Variants in CATSPER1 observed in about 807,000 individuals in gnomAD.
CATSPER1 encodes the protein cation channel sperm associated 1.
Under a neutral mutation model 72.7 loss-of-function variants are expected in CATSPER1, and 57 were observed. The ratio of observed to expected loss-of-function variants is 0.78; its 90% CI spans 0.63 to 0.98. The LOEUF (loss-of-function observed/expected upper bound fraction) is 0.98. CATSPER1 is among the 50% of genes least tolerant of loss of function. The pLI is 0.00. For missense variants in CATSPER1, 910 were observed against 1,033.9 expected (o/e 0.88, Z 1.64); for synonymous variants, 363 against 403.0 (o/e 0.90, Z 1.19).
In CATSPER1 at chr11:66,025,670, T is replaced by C. The variant is rs1216623680; in HGVS notation, c.710A>G (p.His237Arg). Residue 237 changes from histidine to arginine, a missense_variant, in exon 1 of 12, where the codon CAT becomes CGT. His to Arg is a conservative substitution (Grantham distance 29). Coordinates refer to ENST00000312106, the MANE Select transcript of CATSPER1 (RefSeq NM_053054.4). The stretch of plus-strand genomic sequence containing the variant: ...CTCTCCGTGATGAGGAGACTTTCCA[T>C]GCTGGTGGGCTTCATGATGACGGGA... ...GRSRHHEAHQHGKSPHHGETI... is the reference protein window; with the variant it reads ...GRSRHHEAHQRGKSPHHGETI... 10 of 1,613,874 alleles carry C rather than the reference T, an allele frequency of 6.2e-6. No individual in the cohort carries two copies. Among genetic ancestry groups the C allele is most frequent in the African/African-American group, 2.7e-5 (2 of 74,880 alleles).
intron 10 of CATSPER1, among the ~76,000 whole-genome samples, chr11:66,017,490 A>T (rs962485458): frequency 1.3e-5 from 2 of 149,552 alleles, no homozygotes; most frequent in African/African-American, 2.5e-5. Context: ...CTCCTTATCC[A>T]GTCACTCACC....
chr11:66,020,738 A>C lies in CATSPER1; in HGVS notation c.1927+73T>G. The C allele has an allele frequency of 1.9e-6, 3 of 1,606,760 alleles. No individual in the cohort carries two copies. Among genetic ancestry groups the C allele is most frequent in the Non-Finnish European group, 2.6e-6 (3 of 1,174,920 alleles). On this transcript the variant is annotated intron_variant, in intron 6 of 11. Transcript: ENST00000312106. This position sits in a 1 kb window ranked among gnomAD's most constrained non-coding sequence, Gnocchi z 4.5. ...AGGCATCAGAAGCCCCACTTTGCCG[A>C]TGGGGTCACTGAGCCCTGGCCGGTC... is the stretch of plus-strand genomic sequence containing the variant.
At chr11:66,018,704 C>A (rs1399308791) in intron 10 of CATSPER1, 123 bp downstream of exon 10, 14 of 1,086,512 alleles carry the variant, frequency 1.3e-5, no homozygotes, top group Non-Finnish European at 1.8e-5. Flanking sequence ...GGCTCATCCA[C>A]AAGCCTCAGC....
Position 66,020,140 on chromosome 11 carries a change from C to T in CATSPER1, c.2125G>A (p.Glu709Lys). ...GGGCCAGGGCGGGCCAGGCCCATAC[C>T]TGCAGCTCTGAGCTCCGTCAGTGAG... ...EDSLTELRAAEPKEVASEGTM... is the reference protein window; with the variant it reads ...EDSLTELRAAKPKEVASEGTM... The change falls in exon 9 of 12, where the codon GAG (glutamate) becomes AAG (lysine). Residue 709 changes from glutamate to lysine, a missense_variant and splice_region_variant. Physicochemically the swap from Glu to Lys is moderately conservative, Grantham distance 56. Coordinates refer to ENST00000312106, the MANE Select transcript of CATSPER1 (RefSeq NM_053054.4). This position sits in a 1 kb window ranked among gnomAD's most constrained non-coding sequence, Gnocchi z 4.5. The T allele has an allele frequency of 6.2e-6, 10 of 1,613,158 alleles. No individual in the cohort carries two copies. Among genetic ancestry groups the T allele is most frequent in the Non-Finnish European group, 8.5e-6 (10 of 1,180,030 alleles).
intron 10 of CATSPER1, 119 bp downstream of exon 10, chr11:66,018,708 C>G (rs1441672567): frequency 1.8e-6 from 2 of 1,122,286 alleles, no homozygotes; most frequent in Admixed American, 1.8e-5. Context: ...CATCCACAAG[C>G]CTCAGCGCTC....
chr11:66,022,841 G>A lies in CATSPER1; in HGVS notation c.1429+8C>T, dbSNP rs1856405140. 1 of 1,613,970 alleles carries A rather than the reference G, an allele frequency of 6.2e-7. No individual in the cohort carries two copies. The highest frequency in any genetic ancestry group is 1.1e-5 in the South Asian group (1 of 91,088). On this transcript the variant is annotated splice_region_variant and intron_variant, in intron 2 of 11. Coordinates refer to ENST00000312106, the MANE Select transcript of CATSPER1 (RefSeq NM_053054.4). ...TTCTCCATGGGAACAGGACTCCCTGGCTCTTACCGCCCCGGATCTCGACTT... is the reference window on the plus strand; with the variant it reads ...TTCTCCATGGGAACAGGACTCCCTGACTCTTACCGCCCCGGATCTCGACTT...
In CATSPER1 at chr11:66,016,876, G is replaced by A. The variant is rs768989261; in HGVS notation, c.*14C>T. 6.2e-7 allele frequency: 1 copy of A among 1,613,510 alleles called. No individual in the cohort carries two copies. The highest frequency in any genetic ancestry group is 1.1e-5 in the South Asian group (1 of 91,006). ...TGCCAGGGGCTGAAGTCTGTATCTGGTGTCCTCCTGGGGTCAATTCCTGAA... is the reference window on the plus strand; with the variant it reads ...TGCCAGGGGCTGAAGTCTGTATCTGATGTCCTCCTGGGGTCAATTCCTGAA... On this transcript the variant is annotated 3_prime_UTR_variant, in exon 12 of 12. Transcript: ENST00000312106.
rs1457218014 is a variant in CATSPER1, at chr11:66,025,376, A to G, written c.1004T>C (p.Ile335Thr). ...LSIPHTSRSL[I>T]HDAPGPAASR... ...AGCAGCAGGGCCGGGGGCATCGTGAATCAGGCTCCGGGATGTGTGTGGGAT... is the reference window on the plus strand; with the variant it reads ...AGCAGCAGGGCCGGGGGCATCGTGAGTCAGGCTCCGGGATGTGTGTGGGAT... Residue 335 changes from isoleucine to threonine, a missense_variant, in exon 1 of 12, where the codon ATT becomes ACT. By Grantham distance (89) the Ile-to-Thr change is moderately conservative. Transcript: ENST00000312106. 6.2e-7 allele frequency: 1 copy of G among 1,613,990 alleles called. No individual in the cohort carries two copies. Among genetic ancestry groups the G allele is most frequent in the Non-Finnish European group, 8.5e-7 (1 of 1,180,030 alleles).
chr11:66,018,207 CAAAA>C (rs539636076), intron 10 of CATSPER1, among the ~76,000 whole-genome samples: 3 of 67,742 alleles, frequency 4.4e-5, no homozygotes, highest in Non-Finnish European at 6.1e-5. Context: ...GACCCTGTCT[CAAAA>C]AAAAAAAAAA....
chr11:66,020,178 T>C lies in CATSPER1; in HGVS notation c.2087A>G (p.Lys696Arg), dbSNP rs1856325532. ...KQERAARIQE[K>R]LLEDSLTELR... ...CTCCGTCAGTGAGTCTTCCAGCAGC[T>C]TCTCTTGGATCCGGGCGGCCCTCTG... The change falls in exon 9 of 12, where the codon AAG (lysine) becomes AGG (arginine). Residue 696 changes from lysine to arginine, a missense_variant. By Grantham distance (26) the Lys-to-Arg change is conservative. Transcript: ENST00000312106. This position sits in a 1 kb window ranked among gnomAD's most constrained non-coding sequence, Gnocchi z 4.5. 6.2e-7 allele frequency: 1 copy of C among 1,613,488 alleles called. No individual in the cohort carries two copies. The highest frequency in any genetic ancestry group is 1.3e-5 in the African/African-American group (1 of 74,914).
Position 66,025,626 on chromosome 11 carries a change from A to G in CATSPER1, c.754T>C (p.Ser252Pro). The change falls in exon 1 of 12, where the codon TCT (serine) becomes CCT (proline). Residue 252 changes from serine (S) to proline (P), a missense_variant. Transcript: ENST00000312106. ...HHGETISPHS[S>P]VGSYQRGISD... The stretch of plus-strand genomic sequence containing the variant: ...ATCCCACGCTGGTAGGACCCCACAG[A>G]GGAATGAGGGGAAATGGTCTCTCCG... The G allele has an allele frequency of 3.7e-6, 6 of 1,612,866 alleles. No individual in the cohort carries two copies. The highest frequency in any genetic ancestry group is 5.1e-6 in the Non-Finnish European group (6 of 1,179,590).
chr11:66,023,632 GC>G (rs1471469746), intron 1 of CATSPER1, among the ~76,000 whole-genome samples: 2 of 151,320 alleles, frequency 1.3e-5, no homozygotes, highest in Non-Finnish European at 2.9e-5. Context: ...ATCACTGGAG[GC>G]CAGGAGTTTG....
Position 66,021,513 on chromosome 11 carries a change from C to T in CATSPER1, c.1674G>A (p.Arg558=), listed in dbSNP as rs375690376. The change falls in exon 4 of 12, where the codon CGG becomes CGA. Residue 558 remains arginine (R), a synonymous_variant. Transcript: ENST00000312106. ...CCACTGACCTGAGCCTCCGCAGGAC[C>T]CGGATTGCCCTCAGGGCCCGCAGGC... ...FKSLRALRAI[R]VLRRLSFLTS... 1 of 1,613,642 alleles carries T rather than the reference C, an allele frequency of 6.2e-7. No individual in the cohort carries two copies. Among genetic ancestry groups the T allele is most frequent in the South Asian group, 1.1e-5 (1 of 91,074 alleles).
chr11:66,016,797 A>C lies in CATSPER1; in HGVS notation c.*93T>G. Reference sequence around the variant, plus strand: ...GGGGCCCCTGCTCTGCAGGGCCCGGACAATCATTCCAGCAGATCTGGGGAC... The same window carrying C: ...GGGGCCCCTGCTCTGCAGGGCCCGGCCAATCATTCCAGCAGATCTGGGGAC... On this transcript the variant is annotated 3_prime_UTR_variant, in exon 12 of 12. Transcript: ENST00000312106. 6.9e-7 allele frequency: 1 copy of C among 1,447,686 alleles called. No homozygotes were observed. The highest frequency in any genetic ancestry group is 1.3e-5 in the South Asian group (1 of 77,030). The allele number at this position is 1,447,686 out of a possible 1,614,324, so 89.7% of individuals were successfully genotyped here. A position where few individuals can be genotyped will look rare whatever the true frequency, so the allele number is the denominator to read the frequency against.
chr11:66,023,225 G>C (rs1182329274), intron 1 of CATSPER1, among the ~76,000 whole-genome samples, 164 bp from the exon 2 acceptor site: 1 of 152,242 alleles, frequency 6.6e-6, no homozygotes, highest in African/African-American at 2.4e-5. Context: ...AAGTAGCTGG[G>C]ACTGCAGGTG....
Position 66,023,068 on chromosome 11 carries a change from G to A in CATSPER1, c.1217-7C>T, listed in dbSNP as rs771687848. 3.1e-6 allele frequency: 5 copies of A among 1,613,400 alleles called. No individual in the cohort carries two copies. The highest frequency in any genetic ancestry group is 4.2e-6 in the Non-Finnish European group (5 of 1,179,410). On this transcript the variant is annotated splice_region_variant and splice_polypyrimidine_tract_variant and intron_variant, in intron 1 of 11. Transcript: ENST00000312106. ...GTCCGCTGGAGCCGGCCGGCTGAAA[G>A]GAACAGGGCCAGAAAGTCAAGTGTG...
rs1856491656 is a variant in CATSPER1 at position 66,025,867 on chromosome 11, C to T, written c.513G>A (p.Glu171=). 6.2e-7 allele frequency: 1 copy of T among 1,613,190 alleles called. No homozygotes were observed. The change falls in exon 1 of 12, where the codon GAG becomes GAA. Residue 171 remains glutamate, a synonymous_variant. Transcript: ENST00000312106. The stretch of plus-strand genomic sequence containing the variant: ...GGTAGGACCCACCATGGTGGGAAGC[C>T]TCACCGTGGTGGGGCACGCCAGAGG... The part of the protein sequence containing the change: ...HYSSGVPHHG[E]ASHHGGSYLP...
At position 66,025,909 on chromosome 11, in the gene CATSPER1, C is replaced by T. The variant is rs1856492952; in HGVS notation, c.471G>A (p.Glu157=). The T allele has an allele frequency of 6.2e-7, 1 of 1,612,612 alleles. No individual in the cohort carries two copies. The highest frequency in any genetic ancestry group is 1.7e-5 in the Admixed American group (1 of 59,912). ...SHHGRPQYLG[E]NLSHYSSGVP... The stretch of plus-strand genomic sequence containing the variant: ...CGCCAGAGGAATAGTGGGATAAATT[C>T]TCACCGAGATATTGGGGTCTGCCAT... The change falls in exon 1 of 12, where the codon GAG becomes GAA. Residue 157 remains glutamate, a synonymous_variant. Coordinates refer to ENST00000312106, the MANE Select transcript of CATSPER1 (RefSeq NM_053054.4).
rs772852592 is a variant in CATSPER1, at chr11:66,018,864, G to A, written c.2164C>T (p.Arg722Trp). 18 of 1,613,740 alleles carry A rather than the reference G, an allele frequency of 1.1e-5. No individual in the cohort carries two copies. The highest frequency in any genetic ancestry group is 1.1e-4 in the African/African-American group (8 of 74,844). The change falls in exon 10 of 12, where the codon CGG (arginine) becomes TGG (tryptophan). Residue 722 changes from arginine (R) to tryptophan (W), a missense_variant. Arg to Trp is a moderately radical substitution (Grantham distance 101). Coordinates refer to ENST00000312106, the MANE Select transcript of CATSPER1 (RefSeq NM_053054.4). Reference sequence around the variant, plus strand: ...GTCCCAAACTTTTTCTCGATGAGCCGCTTCAGCATGGTGCCTTCACTCGCC... The same window carrying A: ...GTCCCAAACTTTTTCTCGATGAGCCACTTCAGCATGGTGCCTTCACTCGCC... Reference protein sequence around the residue: ...EVASEGTMLKRLIEKKFGTMT... With the variant: ...EVASEGTMLKWLIEKKFGTMT...
Sources: gnomAD v4.1 joint callset for allele counts (sites outside exome capture counted in the v4.1 genomes callset) on GRCh38, gnomAD v4.1.1 for gene constraint, Gnocchi (gnomAD v3.1) non-coding constraint, MANE v1.5 for transcripts, NCBI Gene and HGNC (gene_info 2026-07-23, HGNC 2026-07-21) for gene names.